Variants in CEP128 observed in about 807,000 individuals in gnomAD.
CEP128 encodes the protein centrosomal protein 128kDa.
A neutral mutation model predicts 156.7 loss-of-function variants in CEP128; 132 were observed. The ratio of observed to expected loss-of-function variants is 0.84; its 90% CI spans 0.73 to 0.97. The LOEUF is 0.97. CEP128 is among the 50% of genes least tolerant of loss of function. The pLI, the probability that CEP128 is intolerant of heterozygous loss-of-function variation, is 0.00. For missense variants in CEP128, 1,252 were observed against 1,281.9 expected (o/e 0.98, Z 0.36); for synonymous variants, 469 against 448.9 (o/e 1.04, Z -0.57).
intron 8 of CEP128, among the ~76,000 whole-genome samples, chr14:80,877,653 G>A (rs2139296166): frequency 6.6e-6 from 1 of 152,302 alleles, no homozygotes; most frequent in South Asian, 2.1e-4. Context: ...GCTGCACAGG[G>A]AAGGAAAGGA....
chr14:80,799,081 T>C (rs764894732), intron 13 of CEP128, among the ~76,000 whole-genome samples: 1 of 152,202 alleles, frequency 6.6e-6, no homozygotes, highest in Non-Finnish European at 1.5e-5. Context: ...TGGCATATCA[T>C]GGAAACAGAA....
intron 2 of CEP128, among the ~76,000 whole-genome samples, chr14:80,951,486 T>G (rs929084814): frequency 6.6e-6 from 1 of 152,028 alleles, no homozygotes; most frequent in African/African-American, 2.4e-5. Context: ...CTATAAACCT[T>G]AAAGCAATGA....
chr14:80,750,983 A>G (rs1461319714), intron 18 of CEP128, among the ~76,000 whole-genome samples: 1 of 152,062 alleles, frequency 6.6e-6, no homozygotes, highest in Non-Finnish European at 1.5e-5. Context: ...AGATAGCAGA[A>G]CTCTCTTTCT....
chr14:80,632,234 T>C (rs1008895875), intron 19 of CEP128, among the ~76,000 whole-genome samples: 1 of 151,934 alleles, frequency 6.6e-6, no homozygotes, highest in African/African-American at 2.4e-5. Flanking sequence ...AAATAATACA[T>C]TGTTTCATTT....
rs78532435 is a variant in CEP128, at chr14:80,895,607, T to A, written c.645+111A>T. ...TACAAGAACACACTTTTAGACAAAA[T>A]GGGACATACCACCCAAAAGGTTAAA... On this transcript the variant is annotated intron_variant, in intron 8 of 24. Transcript: ENST00000555265. 3 of 627,926 alleles carry A rather than the reference T, an allele frequency of 4.8e-6. No individual in the cohort carries two copies. In the African/African-American group the frequency reaches 5.6e-5, roughly 12 times the overall value. The allele number at this position is 627,926 out of a possible 1,614,324, so 38.9% of individuals were successfully genotyped here.
intron 6 of CEP128, among the ~76,000 whole-genome samples, chr14:80,491,321 A>G (rs1023878634): frequency 6.6e-6 from 1 of 152,168 alleles, no homozygotes; most frequent in African/African-American, 2.4e-5. Context: ...AGGTCTCTCA[A>G]GCTGCAGCTG....
At chr14:80,914,448 C>CT (rs745675784) in intron 3 of CEP128, 40 bp from the exon 4 acceptor site, 29 of 1,459,964 alleles carry the variant, frequency 2.0e-5, no homozygotes, top group Non-Finnish European at 2.6e-5. Context: ...ATTCCAAATA[C>CT]TTTTTTTTCC....
chr14:80,682,862 G>A (rs1364943820), intron 19 of CEP128, among the ~76,000 whole-genome samples: 1 of 152,138 alleles, frequency 6.6e-6, no homozygotes, highest in Non-Finnish European at 1.5e-5. Flanking sequence ...AAGCAAAGGA[G>A]AAATAATATC....
intron 24 of CEP128, among the ~76,000 whole-genome samples, chr14:80,503,446 A>G (rs1210099664): frequency 3.9e-5 from 6 of 152,162 alleles, no homozygotes; most frequent in Admixed American, 3.9e-4. Context: ...CAAAATCTTG[A>G]TGTTTTCCAT....
intron 9 of CEP128, among the ~76,000 whole-genome samples, chr14:80,848,849 G>A (rs1357146620): frequency 6.6e-6 from 1 of 151,898 alleles, no homozygotes; most frequent in Non-Finnish European, 1.5e-5. Flanking sequence ...TTGAACCCAG[G>A]AGGTGGTGGC....
intron 20 of CEP128, among the ~76,000 whole-genome samples, chr14:80,559,561 A>G (rs1890581893): frequency 6.6e-6 from 1 of 152,228 alleles, no homozygotes; most frequent in Non-Finnish European, 1.5e-5. Flanking sequence ...AGTTAATGAA[A>G]GGAATAGAAC....
intron 8 of CEP128, among the ~76,000 whole-genome samples, chr14:80,878,284 C>T (rs144731817): frequency 6.6e-6 from 1 of 152,126 alleles, no homozygotes; most frequent in Non-Finnish European, 1.5e-5. Flanking sequence ...CCACTCCACC[C>T]TCCATGCCCA....
At chr14:80,705,153 T>A (rs1182928114) in intron 19 of CEP128, among the ~76,000 whole-genome samples, 1 of 152,136 alleles carries the variant, frequency 6.6e-6, no homozygotes, top group African/African-American at 2.4e-5. Flanking sequence ...TATTCCTATT[T>A]CCCAAAATTT....
At chr14:80,672,134 T>C (rs929591436) in intron 19 of CEP128, among the ~76,000 whole-genome samples, 3 of 152,106 alleles carry the variant, frequency 2.0e-5, no homozygotes, top group African/African-American at 7.2e-5. Context: ...ACATAAAAGC[T>C]AGCTACTGGA....
At chr14:80,650,629 C>T (rs1012803009) in intron 19 of CEP128, among the ~76,000 whole-genome samples, 2 of 151,976 alleles carry the variant, frequency 1.3e-5, no homozygotes, top group Non-Finnish European at 2.9e-5. Flanking sequence ...TAGCATGAAG[C>T]TGTGCTGAAT....
chr14:80,919,357 A>G (rs902516668), intron 2 of CEP128, among the ~76,000 whole-genome samples: 3 of 152,204 alleles, frequency 2.0e-5, no homozygotes, highest in South Asian at 4.1e-4. Flanking sequence ...ACTAATAAAC[A>G]TGCATGTATC....
intron 13 of CEP128, among the ~76,000 whole-genome samples, chr14:80,805,564 T>G (rs1257921853): frequency 1.3e-5 from 2 of 152,178 alleles, no homozygotes; most frequent in Non-Finnish European, 2.9e-5. Context: ...AATTAACAAA[T>G]TTAATGGAGT....
Position 80,505,024 on chromosome 14 carries a change from AGG to A in CEP128, c.3073-6_3073-5del. The A allele has an allele frequency of 2.7e-6, 4 of 1,504,036 alleles. No homozygotes were observed. Among genetic ancestry groups the A allele is most frequent in the Admixed American group, 1.8e-5 (1 of 55,934 alleles). 93.2% of individuals were successfully genotyped at this position (1,504,036 alleles called of 1,614,324 possible). ...CTTCCAGAAAGGTTCTGTCACCCTA[AGG>A]AAAAAAAGGCACAGCATTTCAATGA... On this transcript the variant is annotated splice_region_variant and splice_polypyrimidine_tract_variant and intron_variant, in intron 23 of 24. Transcript: ENST00000555265.
intron 19 of CEP128, among the ~76,000 whole-genome samples, chr14:80,644,753 T>C (rs1180491691): frequency 1.3e-5 from 2 of 152,162 alleles, no homozygotes; most frequent in African/African-American, 4.8e-5. Context: ...CATTGGAAAG[T>C]AAAAGAATTT....
Sources: allele counts gnomAD v4.1 joint callset (sites outside exome capture counted in the v4.1 genomes callset), GRCh38; gene constraint gnomAD v4.1.1; transcripts MANE v1.5; gene names NCBI Gene and HGNC (gene_info 2026-07-23, HGNC 2026-07-21).